OR7C1: variants seen among roughly 807,000 people sequenced by gnomAD.
OR7C1 encodes the protein olfactory receptor family 7 subfamily C member 1, also known as olfactory receptor 7C1.
For synonymous variants in OR7C1, 152 were observed against 160.7 expected, an observed-to-expected ratio of 0.95 and a Z score of 0.41; for missense variants, 324 against 383.3, an observed-to-expected ratio of 0.85 and a Z score of 1.29.
intron 1 of OR7C1, among the ~76,000 whole-genome samples, chr19:14,834,653 G>A (rs900013783): frequency 6.7e-6 from 1 of 148,994 alleles, no homozygotes; most frequent in South Asian, 2.1e-4. Context: ...TTTTTCTCAC[G>A]GGCATAGAAT....
intron 1 of OR7C1, among the ~76,000 whole-genome samples, chr19:14,817,508 T>C (rs1217601645): frequency 6.6e-6 from 1 of 152,138 alleles, no homozygotes. Context: ...AGGGTAAAAT[T>C]CAGACTTCCA....
chr19:14,829,058 T>C, intron 1 of OR7C1, among the ~76,000 whole-genome samples: 1 of 152,130 alleles, frequency 6.6e-6, no homozygotes, highest in South Asian at 2.1e-4. Flanking sequence ...TGTTTGTTTG[T>C]TTGCTGATTA....
At chr19:14,831,885 A>ACTATT (rs1178267236) in intron 1 of OR7C1, among the ~76,000 whole-genome samples, 1 of 152,056 alleles carries the variant, frequency 6.6e-6, no homozygotes, top group African/African-American at 2.4e-5. Context: ...ACACGTCATG[A>ACTATT]CTATTCTATT....
In OR7C1 at chr19:14,827,484, C is replaced by T. The variant is rs1281929116; in HGVS notation, c.-623+7590G>A. 6.8e-6 allele frequency: 11 copies of T among 1,613,836 alleles called. No homozygotes were observed. Among genetic ancestry groups the T allele is most frequent in the Non-Finnish European group, 9.3e-6 (11 of 1,179,988 alleles). On this transcript the variant is annotated intron_variant, in intron 1 of 4. Transcript: ENST00000641666. ...ACTAAGGTACACCCCTAGGATTGCACCATAAAATAAGGAGACAACTGAGAG... is the reference window on the plus strand; with the variant it reads ...ACTAAGGTACACCCCTAGGATTGCATCATAAAATAAGGAGACAACTGAGAG...
At position 14,812,307 on chromosome 19, in the gene OR7C1, A is replaced by G. The variant is rs2044695036; in HGVS notation, c.-622-2314T>C. ...CTCAGTACCTGTTTTAAGAAAAAAC[A>G]AAGAAGTGAAATCAAAGACAGGCAG... On this transcript the variant is annotated intron_variant, in intron 1 of 4. Transcript: ENST00000641666. 2.6e-5 allele frequency among the ~76,000 whole-genome samples: 4 copies of G among 152,346 alleles called. No homozygotes were observed. In the South Asian group the frequency reaches 6.2e-4, roughly 24 times the overall value.
At chr19:14,818,101 T>C (rs570911602) in intron 1 of OR7C1, among the ~76,000 whole-genome samples, 1 of 151,546 alleles carries the variant, frequency 6.6e-6, no homozygotes, top group South Asian at 2.1e-4. Flanking sequence ...TTTATTTATT[T>C]ATTTTTGAGA....
chr19:14,815,797 G>T (rs2044713441), intron 1 of OR7C1, among the ~76,000 whole-genome samples: 1 of 151,604 alleles, frequency 6.6e-6, no homozygotes, highest in Non-Finnish European at 1.5e-5. Context: ...GTGTGTGTGT[G>T]TGTGTGTGTG....
chr19:14,813,676 G>T (rs1053975119), intron 1 of OR7C1, among the ~76,000 whole-genome samples: 1 of 152,064 alleles, frequency 6.6e-6, no homozygotes, highest in Non-Finnish European at 1.5e-5. Flanking sequence ...AGCAAGACAC[G>T]TCTTCACAAG....
intron 2 of OR7C1, among the ~76,000 whole-genome samples, chr19:14,805,979 G>T (rs1424139030): frequency 1.3e-5 from 2 of 151,920 alleles, no homozygotes; most frequent in Non-Finnish European, 2.9e-5. Flanking sequence ...ATGGTGACTT[G>T]TTAATTGGAG....
intron 1 of OR7C1, among the ~76,000 whole-genome samples, chr19:14,810,729 G>T (rs1425144552): frequency 6.6e-6 from 1 of 151,726 alleles, no homozygotes; most frequent in African/African-American, 2.4e-5. Flanking sequence ...TTCTATTCTG[G>T]ACACTGGAGA....
chr19:14,818,802 C>T (rs1191871855), intron 1 of OR7C1, among the ~76,000 whole-genome samples: 2 of 152,138 alleles, frequency 1.3e-5, no homozygotes, highest in African/African-American at 2.4e-5. Context: ...GTGTATCTCC[C>T]TTCTGTTGCA....
At chr19:14,825,787 C>T (rs2044763126) in intron 1 of OR7C1, 1 of 152,516 alleles carries the variant, frequency 6.6e-6, no homozygotes, top group Admixed American at 6.5e-5. Flanking sequence ...ATGAGGAGGA[C>T]AGCAGAGACC....
At chr19:14,801,577 A>G (rs908793599) in intron 2 of OR7C1, among the ~76,000 whole-genome samples, 3 of 152,228 alleles carry the variant, frequency 2.0e-5, no homozygotes, top group African/African-American at 7.2e-5. Context: ...AATACTTCAC[A>G]GAAACATAGA....
chr19:14,826,446 A>G (rs992168369), intron 1 of OR7C1: 6 of 152,220 alleles, frequency 3.9e-5, no homozygotes, highest in African/African-American at 1.4e-4. Flanking sequence ...AAGCAAAAAC[A>G]GAAGTATGGA....
At chr19:14,828,424 A>C in intron 1 of OR7C1, 19 of 682,570 alleles carry the variant, frequency 2.8e-5, no homozygotes, top group Non-Finnish European at 4.6e-5. Context: ...ACTCCTTCCC[A>C]CTCTCAGCCT....
At chr19:14,822,373 CTTTTTTTTTTTTTTTTT>C (rs1162241411) in intron 1 of OR7C1, among the ~76,000 whole-genome samples, 1 of 67,696 alleles carries the variant, frequency 1.5e-5, no homozygotes, top group African/African-American at 5.4e-5. Context: ...TATCTCCTGT[CTTTTTTTTTTTTTTTTT>C]TTTTTTTTTT....
intron 1 of OR7C1, among the ~76,000 whole-genome samples, chr19:14,822,082 C>T (rs571871040): frequency 6.6e-6 from 1 of 152,312 alleles, no homozygotes; most frequent in Admixed American, 6.5e-5. Context: ...ATATGCACCA[C>T]GTATTCTTGA....
intron 1 of OR7C1, chr19:14,826,432 T>C (rs1362244382): frequency 6.6e-6 from 1 of 152,088 alleles, no homozygotes; most frequent in Non-Finnish European, 1.5e-5. Context: ...CACTAAAAAT[T>C]TTGAAGCAAA....
In OR7C1 at chr19:14,818,062, T is replaced by TTTATTTATTTA. The variant is rs1555695177; in HGVS notation, c.-622-8070_-622-8069insTAAATAAATAA. Among the ~76,000 whole-genome samples the TTTATTTATTTA allele has an allele frequency of 8.0e-3, 1,111 of 139,440 alleles. 6 individuals are homozygous for TTTATTTATTTA. The highest frequency in any genetic ancestry group is 9.4e-3 in the Non-Finnish European group (613 of 65,090). The allele number at this position is 139,440 out of a possible 152,430, so 91.5% of individuals were successfully genotyped here. On this transcript the variant is annotated intron_variant, in intron 1 of 4. Transcript: ENST00000641666. ...GTTAATAAGTCATACATTTTATTTA[T>TTTATTTATTTA]TTTATTTATTTATTTATTTATTTAT...
Sources: allele counts gnomAD v4.1 joint callset (sites outside exome capture counted in the v4.1 genomes callset), GRCh38; gene constraint gnomAD v4.1.1; transcripts MANE v1.5; gene names NCBI Gene and HGNC (gene_info 2026-07-23, HGNC 2026-07-21).